The following LGR5 variants were observed in gnomAD, a reference collection of about 807,000 sequenced individuals.
LGR5 encodes leucine rich repeat containing G protein-coupled receptor 5.
LGR5 carries 54 observed loss-of-function variants against 76.7 expected under a neutral mutation model. The observed-to-expected ratio is 0.70, with a 90% CI of 0.57 to 0.88. The LOEUF is 0.88. Ranked by LOEUF, LGR5 falls within the 40% of genes least tolerant of loss-of-function variation. The pLI is 0.00. For missense variants in LGR5, 1,078 were observed against 1,073.3 expected (o/e 1.00, Z -0.06); for synonymous variants, 406 against 421.9 (o/e 0.96, Z 0.46).
intron 12 of LGR5, among the ~76,000 whole-genome samples, chr12:71,572,303 C>T (rs1025046502): frequency 6.6e-6 from 1 of 152,122 alleles, no homozygotes; most frequent in African/African-American, 2.4e-5. Context: ...AGGCTGCTCT[C>T]GAACTCCTGA....
intron 2 of LGR5, among the ~76,000 whole-genome samples, chr12:71,504,894 T>C (rs1006949076): frequency 9.2e-5 from 14 of 152,202 alleles, no homozygotes; most frequent in African/African-American, 3.4e-4. Flanking sequence ...GAGTTTACCA[T>C]AAGGCTACAA....
chr12:71,538,016 T>C (rs759369084), intron 4 of LGR5, among the ~76,000 whole-genome samples: 1 of 152,174 alleles, frequency 6.6e-6, no homozygotes, highest in Non-Finnish European at 1.5e-5. Flanking sequence ...ACATTCACTC[T>C]TTAAGAAGCA....
Position 71,504,666 on chromosome 12 carries a change from C to A in LGR5, c.265C>A (p.Leu89Ile), listed in dbSNP as rs199760997. The A allele has an allele frequency of 1.9e-4, 311 of 1,613,824 alleles. No individual in the cohort carries two copies. The highest frequency in any genetic ancestry group is 2.5e-4 in the Non-Finnish European group (296 of 1,179,742). Residue 89 changes from leucine (L) to isoleucine (I), a missense_variant, in exon 2 of 18, where the codon CTC becomes ATC. Leu to Ile is a conservative substitution (Grantham distance 5, BLOSUM62 2). Coordinates refer to ENST00000266674, the MANE Select transcript of LGR5 (RefSeq NM_003667.4). Reference protein sequence around the residue: ...SQLLPNPLPSLRFLEELRLAG... With the variant: ...SQLLPNPLPSIRFLEELRLAG... ...GCTGCTCCCGAATCCCCTGCCCAGTCTCCGCTTCCTGGAGGAGTTGTAAGT... is the reference window on the plus strand; with the variant it reads ...GCTGCTCCCGAATCCCCTGCCCAGTATCCGCTTCCTGGAGGAGTTGTAAGT...
Position 71,542,151 on chromosome 12 carries a change from T to C in LGR5, c.428+6965T>C, listed in dbSNP as rs2137383262. The stretch of plus-strand genomic sequence containing the variant: ...CTCACTACCTATGAGGTAGAAACTG[T>C]CTCCACTTTTCTGATGAGGAAACCG... On this transcript the variant is annotated intron_variant, in intron 4 of 17. Coordinates refer to ENST00000266674, the MANE Select transcript of LGR5 (RefSeq NM_003667.4). Among the ~76,000 whole-genome samples the C allele has an allele frequency of 2.0e-5, 3 of 152,256 alleles. No individual in the cohort carries two copies. The South Asian group carries it at 6.2e-4, about 32-fold the overall frequency.
At chr12:71,465,296 G>A (rs1872819464) in intron 1 of LGR5, among the ~76,000 whole-genome samples, 1 of 152,162 alleles carries the variant, frequency 6.6e-6, no homozygotes, top group Non-Finnish European at 1.5e-5. Context: ...TTGTTCTTAG[G>A]AGAATCATGA....
chr12:71,543,866 A>G (rs941197), intron 4 of LGR5, among the ~76,000 whole-genome samples: 27,552 of 152,232 alleles, frequency 0.18, 2,953 homozygotes, highest in Admixed American at 0.29. Flanking sequence ...TGGAAGATTC[A>G]AAAATGACCC....
intron 2 of LGR5, among the ~76,000 whole-genome samples, chr12:71,505,767 C>A (rs1190447124): frequency 6.6e-6 from 1 of 152,116 alleles, no homozygotes; most frequent in Non-Finnish European, 1.5e-5. Flanking sequence ...TGTTTTACTA[C>A]CAAAATCAGT....
At chr12:71,533,290 G>A (rs1204568900) in intron 3 of LGR5, among the ~76,000 whole-genome samples, 1 of 152,038 alleles carries the variant, frequency 6.6e-6, no homozygotes, top group Non-Finnish European at 1.5e-5. Context: ...GGTTGCAGTG[G>A]GCCGAGATTG....
intron 13 of LGR5, among the ~76,000 whole-genome samples, chr12:71,575,216 A>AAAAAC (rs1293794905): frequency 5.9e-5 from 9 of 152,288 alleles, no homozygotes; most frequent in African/African-American, 1.9e-4. Flanking sequence ...AAAACCTGTA[A>AAAAAC]AAAACAAAAC....
intron 1 of LGR5, among the ~76,000 whole-genome samples, chr12:71,469,673 GAGCCGCTTCTCGGCCCACTTC>G (rs1439015759): frequency 6.6e-6 from 1 of 152,212 alleles, no homozygotes; most frequent in Non-Finnish European, 1.5e-5. Flanking sequence ...TGAAGGCTTA[GAGCCGCTTCTCGGCCCACTTC>G]AGTCGGCCAC....
At chr12:71,546,988 C>G (rs1877208945) in intron 4 of LGR5, among the ~76,000 whole-genome samples, 1 of 152,074 alleles carries the variant, frequency 6.6e-6, no homozygotes, top group South Asian at 2.1e-4. Context: ...GAGACAGTCC[C>G]CTTGGCCAAG....
intron 1 of LGR5, among the ~76,000 whole-genome samples, chr12:71,473,198 C>T (rs11833652): frequency 0.079 from 12,003 of 152,160 alleles, 655 homozygotes; most frequent in African/African-American, 0.14. Context: ...CCCAGCACAT[C>T]ATGGATCTGG....
In LGR5 at chr12:71,532,785, T is replaced by C. The variant is rs142972475; in HGVS notation, c.357-2330T>C. Among the ~76,000 whole-genome samples the C allele has an allele frequency of 2.8e-3, 417 of 151,462 alleles. 4 individuals are homozygous for C. The highest frequency in any genetic ancestry group is 9.5e-3 in the African/African-American group (391 of 41,028). On this transcript the variant is annotated intron_variant, in intron 3 of 17. Coordinates refer to ENST00000266674, the MANE Select transcript of LGR5 (RefSeq NM_003667.4). ...AAACCCAGTGCAGCTCTTCCTCAAG[T>C]TCAAATGAAGATTTTTTTTTTTTTT...
intron 1 of LGR5, among the ~76,000 whole-genome samples, chr12:71,499,711 C>T (rs1874507451): frequency 6.6e-6 from 1 of 152,110 alleles, no homozygotes; most frequent in African/African-American, 2.4e-5. Flanking sequence ...ATTCATCCTG[C>T]TTGCTCTGTA....
At chr12:71,521,642 C>T (rs904113711) in intron 2 of LGR5, among the ~76,000 whole-genome samples, 1 of 152,148 alleles carries the variant, frequency 6.6e-6, no homozygotes, top group African/African-American at 2.4e-5. Context: ...CGGACTGTAG[C>T]TGGGTGGCCA....
At chr12:71,523,797 C>A (rs1031184269) in intron 2 of LGR5, among the ~76,000 whole-genome samples, 4 of 152,132 alleles carry the variant, frequency 2.6e-5, no homozygotes, top group African/African-American at 9.7e-5. Flanking sequence ...CAGAATTTTC[C>A]ATTAAATAAC....
At chr12:71,470,000 G>A (rs11178810) in intron 1 of LGR5, among the ~76,000 whole-genome samples, 1 of 151,824 alleles carries the variant, frequency 6.6e-6, no homozygotes, top group Non-Finnish European at 1.5e-5. Flanking sequence ...GAAGTGACCC[G>A]CTGTGGGCTG....
At chr12:71,496,362 C>A (rs1486468325) in intron 1 of LGR5, among the ~76,000 whole-genome samples, 1 of 100,870 alleles carries the variant, frequency 9.9e-6, no homozygotes, top group Non-Finnish European at 1.8e-5. Context: ...AGGAAGACTC[C>A]ATCTCAACAA....
intron 4 of LGR5, among the ~76,000 whole-genome samples, chr12:71,549,506 T>G (rs1231104749): frequency 1.3e-5 from 2 of 152,228 alleles, no homozygotes; most frequent in Non-Finnish European, 1.5e-5. Flanking sequence ...ATTAGCTTGA[T>G]TTAATCATTT....
Sources: gnomAD v4.1 joint callset for allele counts (sites outside exome capture counted in the v4.1 genomes callset) on GRCh38, gnomAD v4.1.1 for gene constraint, MANE v1.5 for transcripts, NCBI Gene and HGNC (gene_info 2026-07-23, HGNC 2026-07-21) for gene names.